The following PCDH15 variants were observed in gnomAD, a reference collection of about 807,000 sequenced individuals.
The protein encoded by PCDH15 is protocadherin-15.
In PCDH15, 129 loss-of-function variants were observed where a neutral mutation model predicts 178.5. The observed-to-expected ratio is 0.72, with a 90% CI of 0.63 to 0.84. The LOEUF (loss-of-function observed/expected upper bound fraction) is 0.84. Ranked by LOEUF, PCDH15 falls within the 40% of genes least tolerant of loss-of-function variation. The pLI, the probability that PCDH15 is intolerant of heterozygous loss-of-function variation, is 0.00. For missense variants in PCDH15, 2,230 were observed against 2,099.9 expected, an observed-to-expected ratio of 1.06 and a Z score of -1.21; for synonymous variants, 800 against 732.0, an observed-to-expected ratio of 1.09 and a Z score of -1.50.
At chr10:53,842,849 T>G (rs765341334) in intron 28 of PCDH15, among the ~76,000 whole-genome samples, 2 of 152,206 alleles carry the variant, frequency 1.3e-5, no homozygotes, top group Non-Finnish European at 2.9e-5. Flanking sequence ...GATGGCTCTC[T>G]GTCCCAATAC....
At chr10:55,031,187 G>A (rs1433519203) in intron 2 of PCDH15, among the ~76,000 whole-genome samples, 3 of 152,094 alleles carry the variant, frequency 2.0e-5, no homozygotes, top group Non-Finnish European at 2.9e-5. Context: ...TTAAGCTAGT[G>A]CTTTATTTAC....
intron 2 of PCDH15, among the ~76,000 whole-genome samples, chr10:54,909,784 G>C (rs1251566363): frequency 6.6e-6 from 1 of 152,042 alleles, no homozygotes; most frequent in Non-Finnish European, 1.5e-5. Context: ...GTGGAGCGCA[G>C]CACCACCTCG....
intron 1 of PCDH15, among the ~76,000 whole-genome samples, chr10:54,795,973 T>C (rs942176285): frequency 6.6e-6 from 1 of 151,920 alleles, no homozygotes; most frequent in Non-Finnish European, 1.5e-5. Context: ...AATTACATCC[T>C]TTTATCACCC....
At chr10:55,346,597 G>A (rs1844760220) in intron 2 of PCDH15, among the ~76,000 whole-genome samples, 1 of 151,568 alleles carries the variant, frequency 6.6e-6, no homozygotes, top group African/African-American at 2.4e-5. Flanking sequence ...CCTTTGCAGT[G>A]AATGCAAAAA....
At chr10:55,302,575 C>A (rs758300228) in intron 1 of PCDH15, among the ~76,000 whole-genome samples, 1 of 152,052 alleles carries the variant, frequency 6.6e-6, no homozygotes, top group Non-Finnish European at 1.5e-5. Context: ...CCAGCCTTTT[C>A]TTTTTAAGGC....
rs763795550 is a variant in PCDH15 at position 53,807,140 on chromosome 10, T to TAAAC, written c.4672-14_4672-11dup. 5.7e-6 allele frequency: 9 copies of TAAAC among 1,567,074 alleles called. No individual in the cohort carries two copies. The highest frequency in any genetic ancestry group is 3.5e-6 in the Non-Finnish European group (4 of 1,159,108). On this transcript the variant is annotated splice_polypyrimidine_tract_variant and intron_variant, in intron 37 of 37. Transcript: ENST00000644397. ...TTCTTTTTCTTGCCCACTGATAAAA[T>TAAAC]AAACAAAAATATGTGAGTCACTATC...
intron 27 of PCDH15, among the ~76,000 whole-genome samples, chr10:53,864,294 G>A (rs1009483022): frequency 1.3e-5 from 2 of 152,024 alleles, no homozygotes; most frequent in Non-Finnish European, 2.9e-5. Context: ...GGGTCTGGGG[G>A]CAGGGAACAT....
intron 3 of PCDH15, among the ~76,000 whole-genome samples, chr10:54,840,794 C>G (rs1591734143): frequency 2.6e-5 from 4 of 151,730 alleles, no homozygotes; most frequent in Admixed American, 2.6e-4. Context: ...TTCGTTCAGA[C>G]AAAATAGACT....
At chr10:53,813,750 T>C (rs1203087200) in intron 35 of PCDH15, among the ~76,000 whole-genome samples, 2 of 152,108 alleles carry the variant, frequency 1.3e-5, no homozygotes, top group African/African-American at 4.8e-5. Context: ...AAACAGAATG[T>C]TGAGCAATAT....
intron 1 of PCDH15, among the ~76,000 whole-genome samples, chr10:55,267,015 G>A (rs1842316460): frequency 6.6e-6 from 1 of 152,150 alleles, no homozygotes; most frequent in Admixed American, 6.5e-5. Flanking sequence ...GGTTTGAGCA[G>A]CGGGGCACCA....
In PCDH15 at chr10:54,157,611, G is replaced by A. The variant is rs184070445; in HGVS notation, c.1591-4318C>T. Among the ~76,000 whole-genome samples, 1,170 of 152,292 alleles carry A rather than the reference G, an allele frequency of 7.7e-3. 6 individuals are homozygous for A. Among genetic ancestry groups the A allele is most frequent in the Middle Eastern group, 0.014 (4 of 294 alleles). ...ATGCCCTGGAGATATTTTCCCCATTGTCTTGGGGATTAACATTCAGCTTCT... is the reference window on the plus strand; with the variant it reads ...ATGCCCTGGAGATATTTTCCCCATTATCTTGGGGATTAACATTCAGCTTCT... On this transcript the variant is annotated intron_variant, in intron 13 of 37. Transcript: ENST00000644397.
chr10:53,914,388 G>A (rs1449940515), intron 25 of PCDH15, among the ~76,000 whole-genome samples: 1 of 152,178 alleles, frequency 6.6e-6, no homozygotes, highest in East Asian at 1.9e-4. Context: ...TGATAGACTG[G>A]ATTAAGAAAA....
chr10:54,018,190 C>T (rs2092803773), intron 20 of PCDH15, among the ~76,000 whole-genome samples: 1 of 152,098 alleles, frequency 6.6e-6, no homozygotes, highest in Non-Finnish European at 1.5e-5. Context: ...ATATAGTCTT[C>T]TACTAAGGTC....
chr10:54,822,866 A>G (rs1392862863), intron 3 of PCDH15, among the ~76,000 whole-genome samples: 5 of 151,762 alleles, frequency 3.3e-5, no homozygotes, highest in African/African-American at 1.2e-4. Flanking sequence ...GATAAAACGC[A>G]TTTTAATATA....
At chr10:55,458,477 T>C (rs1839601506) in intron 2 of PCDH15, among the ~76,000 whole-genome samples, 1 of 152,098 alleles carries the variant, frequency 6.6e-6, no homozygotes, top group Admixed American at 6.6e-5. Flanking sequence ...CCATTTAAAT[T>C]TGTCTGTTTT....
intron 18 of PCDH15, among the ~76,000 whole-genome samples, chr10:54,032,598 TTC>T (rs1324246561): frequency 2.0e-5 from 3 of 152,084 alleles, no homozygotes; most frequent in African/African-American, 7.2e-5. Context: ...AAGGTATGTT[TTC>T]TGTTTATTAG....
intron 15 of PCDH15, among the ~76,000 whole-genome samples, chr10:54,128,810 A>G (rs949309696): frequency 6.6e-6 from 1 of 152,180 alleles, no homozygotes; most frequent in Non-Finnish European, 1.5e-5. Context: ...TAGTCAATTC[A>G]TATTTCTCTA....
rs1390784477 is a variant in PCDH15 at position 54,600,525 on chromosome 10, G to A, written c.91+63647C>T. 3 of 577,050 alleles carry A rather than the reference G, an allele frequency of 5.2e-6. No homozygotes were observed. In the Admixed American group the frequency reaches 5.7e-5, roughly 11 times the overall value. The allele number at this position is 577,050 out of a possible 1,614,324, so 35.7% of individuals were successfully genotyped here. On this transcript the variant is annotated intron_variant, in intron 2 of 37. Transcript: ENST00000644397. ...AAATAGTAGAAAAAATCACCAGTGA[G>A]AGGGAGATGGTGCTACCAAATACAT...
intron 27 of PCDH15, among the ~76,000 whole-genome samples, chr10:53,863,561 C>T (rs1377032608): frequency 6.6e-6 from 1 of 151,330 alleles, no homozygotes; most frequent in Admixed American, 6.6e-5. Flanking sequence ...AGAGAGGGTT[C>T]AATAGTGAGA....
Sources: gnomAD v4.1 joint callset for allele counts (sites outside exome capture counted in the v4.1 genomes callset) on GRCh38, gnomAD v4.1.1 for gene constraint, MANE v1.5 for transcripts, NCBI Gene and HGNC (gene_info 2026-07-23, HGNC 2026-07-21) for gene names.